Variants in MAP3K5 observed in about 807,000 individuals in gnomAD.
MAP3K5 encodes the protein ASK-1.
Under a neutral mutation model 158.7 loss-of-function variants are expected in MAP3K5, and 56 were observed. That is an observed-to-expected ratio of 0.35 (90% CI 0.28 to 0.44). The LOEUF (loss-of-function observed/expected upper bound fraction) is 0.44, where lower values mean the gene tolerates loss of function less well. MAP3K5 is among the 20% of genes least tolerant of loss of function. MAP3K5 has a pLI of 1.00. For missense variants in MAP3K5, 1,294 were observed against 1,674.8 expected (o/e 0.77, Z 3.97); for synonymous variants, 579 against 601.7 (o/e 0.96, Z 0.55).
intron 1 of MAP3K5, among the ~76,000 whole-genome samples, chr6:136,721,928 GAA>G (rs1781760630): frequency 6.6e-6 from 1 of 152,094 alleles, no homozygotes; most frequent in Non-Finnish European, 1.5e-5. Flanking sequence ...TTAACATAGA[GAA>G]TATATGTTTC....
At chr6:136,583,820 G>A (rs1402641228) in intron 23 of MAP3K5, 80 bp from the exon 24 acceptor site, 1 of 1,320,160 alleles carries the variant, frequency 7.6e-7, no homozygotes, top group Non-Finnish European at 1.1e-6. Flanking sequence ...CATACCCCCT[G>A]CCCCCACATT....
chr6:136,786,787 A>G (rs1784863865), intron 1 of MAP3K5, among the ~76,000 whole-genome samples: 1 of 150,604 alleles, frequency 6.6e-6, no homozygotes, highest in South Asian at 2.1e-4. Flanking sequence ...ATGTTACCAA[A>G]CTTTAAGTTC....
intron 14 of MAP3K5, chr6:136,637,076 A>T: frequency 7.4e-7 from 1 of 1,356,868 alleles, no homozygotes; most frequent in East Asian, 2.9e-5. Context: ...ACACTGTCAT[A>T]GATAAAGCAT....
chr6:136,771,607 C>A (rs1021235574), intron 1 of MAP3K5, among the ~76,000 whole-genome samples: 1 of 152,176 alleles, frequency 6.6e-6, no homozygotes, highest in Admixed American at 6.5e-5. Context: ...GACTGCAAAG[C>A]TGCCCTGAGC....
At chr6:136,755,777 C>T (rs892395211) in intron 1 of MAP3K5, among the ~76,000 whole-genome samples, 1 of 151,676 alleles carries the variant, frequency 6.6e-6, no homozygotes, top group African/African-American at 2.4e-5. Flanking sequence ...CCAGGCTAAC[C>T]GTAACCATAC....
intron 9 of MAP3K5, among the ~76,000 whole-genome samples, chr6:136,656,970 T>C (rs1389666131): frequency 1.3e-5 from 2 of 152,218 alleles, no homozygotes; most frequent in Non-Finnish European, 2.9e-5. Context: ...CTCAATAACG[T>C]TGGTTATTTT....
At position 136,696,021 on chromosome 6, in the gene MAP3K5, C is replaced by G. The variant is rs753612963; in HGVS notation, c.1012G>C (p.Glu338Gln). ...DSIVKLVETL[E>Q]KLPTFDLASH... is the part of the protein sequence containing the mutation. ...GCCAAATCAAAGGTTGGCAGTTTTT[C>G]TAAAGTCTCTACCAGCTTCACAATA... The change falls in exon 6 of 30, where the codon GAA becomes CAA. Residue 338 changes from glutamate to glutamine, a missense_variant. Around this residue, in one of 5 missense-constraint regions of MAP3K5, gnomAD observed 690 missense variants for 870.5 expected, o/e 0.79. Coordinates refer to ENST00000359015, the MANE Select transcript of MAP3K5 (RefSeq NM_005923.4). 1.2e-6 allele frequency: 2 copies of G among 1,613,294 alleles called. No homozygotes were observed. Among genetic ancestry groups the G allele is most frequent in the East Asian group, 4.5e-5 (2 of 44,804 alleles).
intron 29 of MAP3K5, among the ~76,000 whole-genome samples, chr6:136,558,554 T>C (rs956647908): frequency 6.6e-6 from 1 of 152,194 alleles, no homozygotes; most frequent in African/African-American, 2.4e-5. Flanking sequence ...TGCATGGACT[T>C]AGTCTGCATC....
At chr6:136,719,037 G>T (rs1327292108) in intron 2 of MAP3K5, among the ~76,000 whole-genome samples, 1 of 152,072 alleles carries the variant, frequency 6.6e-6, no homozygotes, top group Non-Finnish European at 1.5e-5. Flanking sequence ...TTAGCTGGGT[G>T]AGGTAGCATG....
At chr6:136,720,712 CT>C in intron 1 of MAP3K5, 123 bp from the exon 2 acceptor site, 1 of 699,972 alleles carries the variant, frequency 1.4e-6, no homozygotes, top group Non-Finnish European at 2.3e-6. Flanking sequence ...GATTTTCTCT[CT>C]TCATTTATCA....
rs780877841 is a variant in MAP3K5, at chr6:136,583,525, G to T, written c.3411+30C>A. On this transcript the variant is annotated intron_variant, in intron 24 of 29. Coordinates refer to ENST00000359015, the MANE Select transcript of MAP3K5 (RefSeq NM_005923.4). ...ATTTTTCTAACTAATTTTAGTGTGT[G>T]GGAAAACACTGGCAAAATATCATAC... 1.6e-5 allele frequency: 25 copies of T among 1,575,422 alleles called. No individual in the cohort carries two copies. In the African/African-American group the frequency reaches 2.7e-4, roughly 17 times the overall value.
At chr6:136,753,715 C>T (rs924736740) in intron 1 of MAP3K5, among the ~76,000 whole-genome samples, 1 of 152,092 alleles carries the variant, frequency 6.6e-6, no homozygotes, top group Non-Finnish European at 1.5e-5. Flanking sequence ...GAGTGAAATA[C>T]AAAGATGAAT....
chr6:136,572,245 T>C lies in MAP3K5; in HGVS notation c.3518-4371A>G, dbSNP rs1007569732. Among the ~76,000 whole-genome samples, 6 of 152,212 alleles carry C rather than the reference T, an allele frequency of 3.9e-5. No homozygotes were observed. In the East Asian group the frequency reaches 1.2e-3, roughly 29 times the overall value. On this transcript the variant is annotated intron_variant, in intron 25 of 29. Coordinates refer to ENST00000359015, the MANE Select transcript of MAP3K5 (RefSeq NM_005923.4). The stretch of plus-strand genomic sequence containing the variant: ...CTTTCTATAATTATTCTTCAATTTA[T>C]TTCATGATTTCTAAACTGATTTTTT...
Position 136,614,289 on chromosome 6 carries a change from A to G in MAP3K5, c.2151-3T>C, listed in dbSNP as rs762104207. 1.9e-6 allele frequency: 3 copies of G among 1,611,688 alleles called. No individual in the cohort carries two copies. Among genetic ancestry groups the G allele is most frequent in the Admixed American group, 3.3e-5 (2 of 59,746 alleles). On this transcript the variant is annotated splice_region_variant and splice_polypyrimidine_tract_variant and intron_variant, in intron 15 of 29. Transcript: ENST00000359015. ...CTTCATGCAGGGGCTGAGAGTATCT[A>G]AAAGACATGCAATTGTCAATGAGTT...
intron 14 of MAP3K5, among the ~76,000 whole-genome samples, chr6:136,627,549 T>C (rs1484659952): frequency 6.6e-6 from 1 of 152,142 alleles, no homozygotes; most frequent in Non-Finnish European, 1.5e-5. Flanking sequence ...CGAATCACAA[T>C]GTATTAAGAG....
chr6:136,764,110 C>T (rs1783865454), intron 1 of MAP3K5, among the ~76,000 whole-genome samples: 1 of 152,168 alleles, frequency 6.6e-6, no homozygotes, highest in East Asian at 1.9e-4. Flanking sequence ...CAGCCAGCCA[C>T]CTGTACATGT....
intron 1 of MAP3K5, among the ~76,000 whole-genome samples, chr6:136,778,562 C>A (rs1377105833): frequency 6.6e-6 from 1 of 152,060 alleles, no homozygotes; most frequent in African/African-American, 2.4e-5. Flanking sequence ...TTTATATAGA[C>A]CTTAGATATC....
intron 11 of MAP3K5, among the ~76,000 whole-genome samples, chr6:136,650,216 T>C (rs953177925): frequency 6.6e-6 from 1 of 152,168 alleles, no homozygotes; most frequent in African/African-American, 2.4e-5. Context: ...TGATGAATGA[T>C]GGTTAAATAA....
chr6:136,676,923 C>G (rs1779728243), intron 7 of MAP3K5, among the ~76,000 whole-genome samples: 1 of 151,064 alleles, frequency 6.6e-6, no homozygotes, highest in African/African-American at 2.4e-5. Context: ...TCCCGAGTAG[C>G]TGGGATTACA....
Sources: gnomAD v4.1 joint callset for allele counts (sites outside exome capture counted in the v4.1 genomes callset) on GRCh38, gnomAD v4.1.1 for gene constraint, gnomAD v4.1.1 regional missense constraint, MANE v1.5 for transcripts, NCBI Gene and HGNC (gene_info 2026-07-23, HGNC 2026-07-21) for gene names.